The following CDH13 variants were observed in gnomAD, a reference collection of about 807,000 sequenced individuals.
The protein encoded by CDH13 is cadherin-13.
CDH13 carries 24 observed loss-of-function variants against 63.8 expected under a neutral mutation model. The ratio of observed to expected loss-of-function variants is 0.38; its 90% CI spans 0.27 to 0.53. The LOEUF (loss-of-function observed/expected upper bound fraction) is 0.53. Ranked by LOEUF, CDH13 falls within the 20% of genes least tolerant of loss-of-function variation. The pLI is 0.85. For synonymous variants in CDH13, 503 were observed against 355.3 expected, an observed-to-expected ratio of 1.42 and a Z score of -4.67; for missense variants, 1,049 against 903.1, an observed-to-expected ratio of 1.16 and a Z score of -2.07.
intron 5 of CDH13, among the ~76,000 whole-genome samples, chr16:83,279,766 G>C (rs528452381): frequency 6.6e-6 from 1 of 151,920 alleles, no homozygotes; most frequent in Non-Finnish European, 1.5e-5. Flanking sequence ...GATAATATAG[G>C]CGTAGCTCAG....
chr16:82,856,468 G>A (rs185610035), intron 1 of CDH13, among the ~76,000 whole-genome samples: 31 of 151,334 alleles, frequency 2.0e-4, no homozygotes, highest in Admixed American at 5.3e-4. Context: ...TTGGGAAGTC[G>A]AGGTGGGTGG....
At chr16:83,370,001 C>G (rs570566956) in intron 6 of CDH13, among the ~76,000 whole-genome samples, 10 of 152,356 alleles carry the variant, frequency 6.6e-5, no homozygotes, top group African/African-American at 2.4e-4. Context: ...TTGATGCCAT[C>G]TGAAACGATC....
At chr16:83,610,030 T>A (rs1241686245) in intron 8 of CDH13, among the ~76,000 whole-genome samples, 1 of 152,228 alleles carries the variant, frequency 6.6e-6, no homozygotes, top group African/African-American at 2.4e-5. Context: ...GGTCTGCCCA[T>A]GTTTTAGTGT....
At chr16:83,149,294 A>G (rs1467355428) in intron 4 of CDH13, among the ~76,000 whole-genome samples, 1 of 152,264 alleles carries the variant, frequency 6.6e-6, no homozygotes, top group Non-Finnish European at 1.5e-5. Flanking sequence ...AGCAGAGAAT[A>G]CACATTTATA....
At chr16:83,114,403 T>C (rs9745773) in intron 3 of CDH13, among the ~76,000 whole-genome samples, 27,532 of 151,930 alleles carry the variant, frequency 0.18, 3,559 homozygotes, top group African/African-American at 0.37. Flanking sequence ...CGTATGGGGG[T>C]GCTTGATAAG....
chr16:83,572,447 C>G (rs1314515133), intron 7 of CDH13, among the ~76,000 whole-genome samples: 2 of 152,064 alleles, frequency 1.3e-5, no homozygotes, highest in Non-Finnish European at 1.5e-5. Flanking sequence ...GCCTTTTGTT[C>G]CACTTTCTAA....
intron 7 of CDH13, among the ~76,000 whole-genome samples, chr16:83,588,315 GC>G (rs1254452975): frequency 3.3e-5 from 5 of 152,212 alleles, no homozygotes; most frequent in Non-Finnish European, 7.3e-5. Context: ...TGTAACATCT[GC>G]AGACCATGAG....
At chr16:83,362,675 C>T (rs117985112) in intron 6 of CDH13, among the ~76,000 whole-genome samples, 9,365 of 152,294 alleles carry the variant, frequency 0.061, 348 homozygotes, top group Admixed American at 0.11. Context: ...TTTGCCTGAC[C>T]TCAAATACCA....
At chr16:82,769,089 A>G (rs2035166358) in intron 1 of CDH13, among the ~76,000 whole-genome samples, 1 of 152,190 alleles carries the variant, frequency 6.6e-6, no homozygotes, top group South Asian at 2.1e-4. Flanking sequence ...TGAGGTCATC[A>G]TGTTGTCTTC....
intron 2 of CDH13, among the ~76,000 whole-genome samples, chr16:82,980,931 C>T (rs1910178215): frequency 6.6e-6 from 1 of 152,134 alleles, no homozygotes; most frequent in Non-Finnish European, 1.5e-5. Context: ...TCTTGAAACC[C>T]TTCTGGTGCT....
At chr16:82,689,416 A>C (rs1915412658) in intron 1 of CDH13, among the ~76,000 whole-genome samples, 3 of 152,284 alleles carry the variant, frequency 2.0e-5, no homozygotes, top group Middle Eastern at 3.4e-3. Context: ...TCATTATCAT[A>C]GTCAGTTTAG....
chr16:83,506,438 C>T lies in CDH13; in HGVS notation c.960+19783C>T, dbSNP rs576771112. On this transcript the variant is annotated intron_variant, in intron 7 of 13. Transcript: ENST00000567109. ...CCTTCCTTTATGTAACCTCCTTGAT[C>T]CAAACTACAGTCTGACCCATGCTTT... Among the ~76,000 whole-genome samples, 5 of 152,328 alleles carry T rather than the reference C, an allele frequency of 3.3e-5. 1 individual carries two copies. Among genetic ancestry groups the T allele is most frequent in the African/African-American group, 1.2e-4 (5 of 41,576 alleles).
intron 6 of CDH13, among the ~76,000 whole-genome samples, chr16:83,362,265 C>T (rs1159213482): frequency 6.6e-6 from 1 of 152,164 alleles, no homozygotes; most frequent in Non-Finnish European, 1.5e-5. Context: ...CAATCTGAGA[C>T]CTTTACCTTT....
At chr16:82,924,311 T>C (rs7405300) in intron 2 of CDH13, among the ~76,000 whole-genome samples, 58,006 of 151,768 alleles carry the variant, frequency 0.38, 12,159 homozygotes, top group Non-Finnish European at 0.47. Context: ...TAAAAGCCTT[T>C]CCCCAACTTC....
intron 2 of CDH13, among the ~76,000 whole-genome samples, chr16:82,955,337 C>G (rs1309663305): frequency 6.6e-6 from 1 of 152,188 alleles, no homozygotes; most frequent in Non-Finnish European, 1.5e-5. Flanking sequence ...CTAAAACATT[C>G]AAGAAGGATG....
chr16:83,133,388 C>CT (rs966286985), intron 4 of CDH13, among the ~76,000 whole-genome samples: 55 of 151,092 alleles, frequency 3.6e-4, no homozygotes, highest in African/African-American at 1.1e-3. Flanking sequence ...TTTCTTTTCA[C>CT]TTTTTTTTTA....
chr16:83,017,860 A>G (rs1364581848), intron 2 of CDH13, among the ~76,000 whole-genome samples: 1 of 152,208 alleles, frequency 6.6e-6, no homozygotes, highest in Non-Finnish European at 1.5e-5. Flanking sequence ...ATGTCCTGCT[A>G]GCATCTGCAG....
At position 83,042,177 on chromosome 16, in the gene CDH13, G is replaced by T. The variant is rs184666337; in HGVS notation, c.366+9959G>T. Among the ~76,000 whole-genome samples, 55 of 152,260 alleles carry T rather than the reference G, an allele frequency of 3.6e-4. 1 individual carries two copies. Among genetic ancestry groups the T allele is most frequent in the Middle Eastern group, 3.4e-3 (1 of 294 alleles). ...AAACAAGAGTGTCCCCCACCCACCT[G>T]TCTGAGTACCAGTCCGTGGCCTGTT... On this transcript the variant is annotated intron_variant, in intron 3 of 13. Transcript: ENST00000567109.
At chr16:83,275,601 G>A (rs1385959479) in intron 5 of CDH13, among the ~76,000 whole-genome samples, 1 of 152,102 alleles carries the variant, frequency 6.6e-6, no homozygotes, top group African/African-American at 2.4e-5. Flanking sequence ...CTTAAGGAGG[G>A]GGCACCATTT....
Sources: allele counts gnomAD v4.1 joint callset (sites outside exome capture counted in the v4.1 genomes callset), GRCh38; gene constraint gnomAD v4.1.1; transcripts MANE v1.5; gene names NCBI Gene and HGNC (gene_info 2026-07-23, HGNC 2026-07-21).